GNAL: variants seen among roughly 807,000 people sequenced by gnomAD.
The protein encoded by GNAL is G protein subunit alpha L.
Under a neutral mutation model 55.1 loss-of-function variants are expected in GNAL, and 18 were observed. The ratio of observed to expected loss-of-function variants is 0.33; its 90% CI spans 0.23 to 0.48. The LOEUF (loss-of-function observed/expected upper bound fraction) is 0.48, where lower values mean the gene tolerates loss of function less well. GNAL is among the 20% of genes least tolerant of loss of function. The probability of loss-of-function intolerance (pLI) is 0.99; values close to 1 mark genes in which losing one functional copy is unlikely to be tolerated. For missense variants in GNAL, 412 were observed against 614.1 expected (o/e 0.67, Z 3.48); for synonymous variants, 253 against 237.0 (o/e 1.07, Z -0.62).
chr18:11,860,834 T>C (rs537739901), intron 5 of GNAL, among the ~76,000 whole-genome samples: 1 of 152,254 alleles, frequency 6.6e-6, no homozygotes, highest in South Asian at 2.1e-4. Flanking sequence ...TTAGGGAAGA[T>C]TTCATGACCT....
rs144103952 is a variant in GNAL at position 11,816,341 on chromosome 18, G to A, written c.625-8577G>A. Among the ~76,000 whole-genome samples, 345 of 152,000 alleles carry A rather than the reference G, an allele frequency of 2.3e-3. 2 individuals carry two copies. The highest frequency in any genetic ancestry group is 8.0e-3 in the African/African-American group (330 of 41,486). On this transcript the variant is annotated intron_variant, in intron 4 of 11. Transcript: ENST00000334049. ...AGACCGAGTCTTGCTCTGTCACCCAGGCTGGAGTGCAGTAGCACAATCTCA... is the reference window on the plus strand; with the variant it reads ...AGACCGAGTCTTGCTCTGTCACCCAAGCTGGAGTGCAGTAGCACAATCTCA...
intron 4 of GNAL, among the ~76,000 whole-genome samples, chr18:11,764,008 G>A (rs1936278653): frequency 6.6e-6 from 1 of 152,186 alleles, no homozygotes; most frequent in African/African-American, 2.4e-5. Context: ...CACTAGTTAA[G>A]GTGGGGTCTG....
At position 11,752,217 on chromosome 18, in the gene GNAL, G is replaced by A; in HGVS notation, c.377-636G>A. 4 of 844,524 alleles carry A rather than the reference G, an allele frequency of 4.7e-6. No individual in the cohort carries two copies. The highest frequency in any genetic ancestry group is 6.6e-6 in the Non-Finnish European group (4 of 605,824). The allele number at this position is 844,524 out of a possible 1,614,324, so 52.3% of individuals were successfully genotyped here. On this transcript the variant is annotated intron_variant, in intron 1 of 11. Transcript: ENST00000334049. The surrounding 1 kb of genome is among the most constrained non-coding windows in gnomAD (Gnocchi z 4.5). ...CTCGTGTAAAAAGGCATTTTACTCC[G>A]CGCGTCTTCCTTACAGCCATTTAGT...
chr18:11,873,485 G>A (rs1400141911), intron 10 of GNAL, among the ~76,000 whole-genome samples: 2 of 152,190 alleles, frequency 1.3e-5, no homozygotes, highest in African/African-American at 2.4e-5. Flanking sequence ...CATTGGAAAT[G>A]GGCCTGAGCA....
At chr18:11,814,547 A>G (rs2034903432) in intron 4 of GNAL, among the ~76,000 whole-genome samples, 1 of 151,972 alleles carries the variant, frequency 6.6e-6, no homozygotes, top group African/African-American at 2.4e-5. Flanking sequence ...AAGAAAAAGA[A>G]AAAAAATGAA....
At chr18:11,846,300 A>G (rs1485683073) in intron 5 of GNAL, among the ~76,000 whole-genome samples, 1 of 151,952 alleles carries the variant, frequency 6.6e-6, no homozygotes, top group Non-Finnish European at 1.5e-5. Context: ...GGAATAATAA[A>G]CCGTGCATTT....
chr18:11,884,903 C>G lies in GNAL; in HGVS notation c.*3768C>G. ...CCTGTCAAAACTGGCCCCTGGCTCA[C>G]TGGGTTCCCATCAAATATAGTGGGG... On this transcript the variant is annotated 3_prime_UTR_variant, in exon 12 of 12. Transcript: ENST00000334049. The G allele has an allele frequency of 7.7e-7, 1 of 1,302,506 alleles. No individual in the cohort carries two copies. The highest frequency in any genetic ancestry group is 9.9e-7 in the Non-Finnish European group (1 of 1,013,534). The allele number at this position is 1,302,506 out of a possible 1,614,324, so 80.7% of individuals were successfully genotyped here.
intron 4 of GNAL, among the ~76,000 whole-genome samples, chr18:11,820,266 A>G (rs555121138): frequency 6.6e-6 from 1 of 152,270 alleles, no homozygotes; most frequent in African/African-American, 2.4e-5. Context: ...AGCTCAAAAT[A>G]ATCAATATGC....
chr18:11,801,930 A>T (rs1383027358), intron 4 of GNAL, among the ~76,000 whole-genome samples: 1 of 152,158 alleles, frequency 6.6e-6, no homozygotes, highest in Non-Finnish European at 1.5e-5. Flanking sequence ...CTCCTTCACC[A>T]TCTGTAAGGA....
chr18:11,734,365 TC>T (rs1165579663), intron 1 of GNAL, among the ~76,000 whole-genome samples: 2 of 151,968 alleles, frequency 1.3e-5, no homozygotes, highest in Admixed American at 1.3e-4. Flanking sequence ...ATGGTTTCGA[TC>T]CCTTGACCTC....
intron 1 of GNAL, among the ~76,000 whole-genome samples, chr18:11,715,985 G>A (rs1378377147): frequency 6.6e-6 from 1 of 151,948 alleles, no homozygotes; most frequent in Admixed American, 6.6e-5. Context: ...TTATTAAAAA[G>A]ACTACTATTA....
chr18:11,851,320 A>AC, intron 5 of GNAL: 1 of 651,786 alleles, frequency 1.5e-6, no homozygotes, highest in Non-Finnish European at 2.5e-6. Flanking sequence ...CACAGGCCCC[A>AC]CCCCGGCGCC....
Position 11,702,928 on chromosome 18 carries a change from G to A in GNAL, c.376+12989G>A, listed in dbSNP as rs1287865584. Among the ~76,000 whole-genome samples, 4 of 152,032 alleles carry A rather than the reference G, an allele frequency of 2.6e-5. No homozygotes were observed. The South Asian group carries it at 8.3e-4, about 32-fold the overall frequency. ...AGGTCAGGAGTTCCAGACCAGCCTG[G>A]TCAGCATGGCAAAACCCCATCTCTG... On this transcript the variant is annotated intron_variant, in intron 1 of 11. Transcript: ENST00000334049.
chr18:11,792,601 C>CTG (rs1472518089), intron 4 of GNAL, among the ~76,000 whole-genome samples: 1 of 152,242 alleles, frequency 6.6e-6, no homozygotes, highest in African/African-American at 2.4e-5. Context: ...GACACATAAT[C>CTG]TGCAAAATTA....
At chr18:11,843,751 A>G (rs992648298) in intron 5 of GNAL, among the ~76,000 whole-genome samples, 5 of 151,980 alleles carry the variant, frequency 3.3e-5, no homozygotes, top group African/African-American at 7.3e-5. Flanking sequence ...AGGTGGGCAG[A>G]TCACCTGAGG....
chr18:11,832,683 C>A (rs961518701), intron 5 of GNAL, among the ~76,000 whole-genome samples: 1 of 152,028 alleles, frequency 6.6e-6, no homozygotes. Flanking sequence ...CGTGGTGAAA[C>A]CCCATCTCTA....
intron 1 of GNAL, among the ~76,000 whole-genome samples, chr18:11,698,773 T>C (rs1008855085): frequency 6.6e-6 from 1 of 152,112 alleles, no homozygotes; most frequent in Admixed American, 6.6e-5. Context: ...TTGTCAATCT[T>C]TGTTTGACCC....
chr18:11,816,542 C>T (rs1243693427), intron 4 of GNAL, among the ~76,000 whole-genome samples: 1 of 152,070 alleles, frequency 6.6e-6, no homozygotes, highest in African/African-American at 2.4e-5. Flanking sequence ...GATCCACCTG[C>T]CTCGGGCTCC....
At chr18:11,765,787 AT>A (rs531536992) in intron 4 of GNAL, among the ~76,000 whole-genome samples, 10 of 151,986 alleles carry the variant, frequency 6.6e-5, no homozygotes, top group African/African-American at 1.9e-4. Context: ...TTTGTGTACC[AT>A]TTTTTTTATT....
Sources: allele counts gnomAD v4.1 joint callset (sites outside exome capture counted in the v4.1 genomes callset), GRCh38; gene constraint gnomAD v4.1.1; non-coding constraint Gnocchi (gnomAD v3.1); transcripts MANE v1.5; gene names NCBI Gene and HGNC (gene_info 2026-07-23, HGNC 2026-07-21).